Variants in SYN2 observed in about 807,000 individuals in gnomAD.
The protein encoded by SYN2 is synapsin II.
Under a neutral mutation model 50.9 loss-of-function variants are expected in SYN2, and 19 were observed. The ratio of observed to expected loss-of-function variants is 0.37; its 90% CI spans 0.26 to 0.55. The LOEUF is 0.55. Ranked by LOEUF, SYN2 falls within the 20% of genes least tolerant of loss-of-function variation. SYN2 has a pLI of 0.81. For missense variants in SYN2, 587 were observed against 576.4 expected (o/e 1.02, Z -0.19); for synonymous variants, 255 against 224.9 (o/e 1.13, Z -1.20).
chr3:12,173,386 T>C (rs777457958), intron 10 of SYN2, among the ~76,000 whole-genome samples: 10 of 152,220 alleles, frequency 6.6e-5, no homozygotes, highest in Non-Finnish European at 1.2e-4. Flanking sequence ...CACCCACTTA[T>C]CTGCACCTCC....
At chr3:12,036,303 C>T (rs1414821169) in intron 1 of SYN2, among the ~76,000 whole-genome samples, 2 of 152,156 alleles carry the variant, frequency 1.3e-5, no homozygotes, top group African/African-American at 4.8e-5. Flanking sequence ...GGCTCTGTTC[C>T]TGTGACAAGT....
chr3:12,100,186 A>G (rs952460390), intron 1 of SYN2, among the ~76,000 whole-genome samples: 1 of 152,182 alleles, frequency 6.6e-6, no homozygotes, highest in African/African-American at 2.4e-5. Context: ...AGCCAGAACA[A>G]TCTGAAAAAG....
intron 1 of SYN2, among the ~76,000 whole-genome samples, chr3:12,060,458 G>A (rs779183662): frequency 9.2e-5 from 14 of 152,150 alleles, no homozygotes; most frequent in Non-Finnish European, 1.9e-4. Context: ...ACCTAAGGGG[G>A]AAGGGGAAAG....
chr3:12,062,354 A>G (rs1425485834), intron 1 of SYN2, among the ~76,000 whole-genome samples: 8 of 152,042 alleles, frequency 5.3e-5, no homozygotes, highest in Non-Finnish European at 7.4e-5. Flanking sequence ...GACAAAAATT[A>G]AAATGGACCA....
At chr3:12,182,459 C>T (rs1574893650) in intron 10 of SYN2, among the ~76,000 whole-genome samples, 2 of 152,200 alleles carry the variant, frequency 1.3e-5, no homozygotes, top group Admixed American at 6.5e-5. Flanking sequence ...AACTAAGTCG[C>T]ACAGGTCTTT....
chr3:12,190,993 C>G lies in SYN2; in HGVS notation c.*368C>G. On this transcript the variant is annotated 3_prime_UTR_variant, in exon 13 of 13. Transcript: ENST00000621198. ...GTGGACTCCTGGCAGCTTAACCTAGCTCAGTTGCAGTGCTAAGCATGCCCC... is the reference window on the plus strand; with the variant it reads ...GTGGACTCCTGGCAGCTTAACCTAGGTCAGTTGCAGTGCTAAGCATGCCCC... 1 of 1,026,798 alleles carries G rather than the reference C, an allele frequency of 9.7e-7. No homozygotes were observed. Among genetic ancestry groups the G allele is most frequent in the Non-Finnish European group, 1.2e-6 (1 of 857,558 alleles). 63.6% of individuals were successfully genotyped at this position (1,026,798 alleles called of 1,614,324 possible). A position where few individuals can be genotyped will look rare whatever the true frequency, so the allele number is the denominator to read the frequency against.
intron 7 of SYN2, 32 bp downstream of exon 7, chr3:12,162,186 G>A (rs1697670076): frequency 6.2e-7 from 1 of 1,606,236 alleles, no homozygotes. Flanking sequence ...TTTCTCCTCA[G>A]TGATGATGGA....
chr3:12,183,303 G>C lies in SYN2; in HGVS notation c.1309-9G>C. 1.3e-6 allele frequency: 2 copies of C among 1,595,564 alleles called. No homozygotes were observed. On this transcript the variant is annotated splice_polypyrimidine_tract_variant and intron_variant, in intron 10 of 12. Transcript: ENST00000621198. ...TTTTGTTTTTATCTCTTACATTTTT[G>C]TCTTCCAGAGCGGAACACTTAAGGA... is the stretch of plus-strand genomic sequence containing the variant.
At chr3:12,114,624 G>A (rs780239081) in intron 1 of SYN2, among the ~76,000 whole-genome samples, 15 of 151,866 alleles carry the variant, frequency 9.9e-5, no homozygotes, top group Non-Finnish European at 1.9e-4. Context: ...TAATGTTAAT[G>A]GTAGAATCTA....
intron 1 of SYN2, among the ~76,000 whole-genome samples, chr3:12,036,149 C>G (rs977660280): frequency 6.6e-6 from 1 of 152,110 alleles, no homozygotes; most frequent in East Asian, 1.9e-4. Flanking sequence ...GGGGTACCTG[C>G]TCCATCTTAG....
At chr3:12,108,820 A>C (rs1339642502) in intron 1 of SYN2, among the ~76,000 whole-genome samples, 1 of 150,728 alleles carries the variant, frequency 6.6e-6, no homozygotes, top group Non-Finnish European at 1.5e-5. Context: ...AAAAAAAAAA[A>C]ACATATAATC....
intron 1 of SYN2, among the ~76,000 whole-genome samples, chr3:12,027,617 A>G (rs765083820): frequency 2.0e-5 from 3 of 152,220 alleles, no homozygotes; most frequent in Non-Finnish European, 4.4e-5. Context: ...GGCACTTTAC[A>G]TATATTATCT....
chr3:12,189,697 G>A (rs1047108004), intron 12 of SYN2, among the ~76,000 whole-genome samples: 1 of 152,158 alleles, frequency 6.6e-6, no homozygotes, highest in African/African-American at 2.4e-5. Context: ...CAGCTACTTG[G>A]GAGGCTGAGG....
chr3:12,104,441 A>G (rs1383344372), intron 1 of SYN2, among the ~76,000 whole-genome samples: 1 of 152,114 alleles, frequency 6.6e-6, no homozygotes, highest in African/African-American at 2.4e-5. Context: ...AAAAATCAGT[A>G]AAGATATAGG....
chr3:12,103,157 C>G (rs1369440440), intron 1 of SYN2, among the ~76,000 whole-genome samples: 1 of 152,128 alleles, frequency 6.6e-6, no homozygotes, highest in Non-Finnish European at 1.5e-5. Flanking sequence ...CAGTTAGTAC[C>G]TGGCAGAACT....
rs141719718 is a variant in SYN2 at position 12,009,831 on chromosome 3, T to C, written c.377+4903T>C. Among the ~76,000 whole-genome samples the C allele has an allele frequency of 4.0e-3, 609 of 152,324 alleles. 5 individuals are homozygous for C. The highest frequency in any genetic ancestry group is 0.013 in the African/African-American group (560 of 41,576). On this transcript the variant is annotated intron_variant, in intron 1 of 12. Transcript: ENST00000621198. ...AATGGTTGAAGAAGGTTGGGCGCGG[T>C]GGCTCACGCCTGTAATCCTAGCACT...
At chr3:12,015,531 G>A (rs1248791868) in intron 1 of SYN2, among the ~76,000 whole-genome samples, 2 of 152,164 alleles carry the variant, frequency 1.3e-5, no homozygotes, top group African/African-American at 2.4e-5. Context: ...TGCATTAACC[G>A]AAGTAACTAG....
At chr3:12,147,262 C>CT (rs1697173949) in intron 4 of SYN2, among the ~76,000 whole-genome samples, 1 of 151,878 alleles carries the variant, frequency 6.6e-6, no homozygotes, top group African/African-American at 2.4e-5. Context: ...TGATCTTGAT[C>CT]TTTTTTTTCA....
chr3:12,190,118 G>A (rs1044742537), intron 12 of SYN2, among the ~76,000 whole-genome samples: 2 of 152,232 alleles, frequency 1.3e-5, no homozygotes, highest in Non-Finnish European at 2.9e-5. Flanking sequence ...CATCAGAAAA[G>A]TAATGTGAGA....
Sources: gnomAD v4.1 joint callset for allele counts (sites outside exome capture counted in the v4.1 genomes callset) on GRCh38, gnomAD v4.1.1 for gene constraint, MANE v1.5 for transcripts, NCBI Gene and HGNC (gene_info 2026-07-23, HGNC 2026-07-21) for gene names.